The following PRELP variants were observed in gnomAD, a reference collection of about 807,000 sequenced individuals.
PRELP encodes the protein prolargin.
Under a neutral mutation model 22.8 loss-of-function variants are expected in PRELP, and 16 were observed. That is an observed-to-expected ratio of 0.70 (90% confidence interval 0.47 to 1.06). PRELP has a LOEUF of 1.06. Ranked by LOEUF, PRELP falls within the 50% of genes least tolerant of loss-of-function variation. The pLI is 0.00. For missense variants in PRELP, 434 were observed against 485.2 expected (o/e 0.89, Z 0.99); for synonymous variants, 233 against 211.4 (o/e 1.10, Z -0.89).
rs1661173681 is a variant in PRELP, at chr1:203,490,495, G to A, written c.*3614G>A. On this transcript the variant is annotated 3_prime_UTR_variant, in exon 3 of 3. Coordinates refer to ENST00000343110, the MANE Select transcript of PRELP (RefSeq NM_002725.4). ...CTCTGTACTGAGGCAGACACAGAAA[G>A]ACACAAAACGGTCGTCTTTCCTGCC... The A allele has an allele frequency of 6.6e-6, 1 of 152,184 alleles. No individual in the cohort carries two copies. The highest frequency in any genetic ancestry group is 1.5e-5 in the Non-Finnish European group (1 of 68,042). 9.4% of individuals were successfully genotyped at this position (152,184 alleles called of 1,614,324 possible).
In PRELP at chr1:203,487,180, C is replaced by G; in HGVS notation, c.*299C>G. The G allele has an allele frequency of 3.5e-6, 1 of 285,018 alleles. No homozygotes were observed. Among genetic ancestry groups the G allele is most frequent in the Non-Finnish European group, 6.6e-6 (1 of 151,168 alleles). 17.7% of individuals were successfully genotyped at this position (285,018 alleles called of 1,614,324 possible). A position where few individuals can be genotyped will look rare whatever the true frequency, so the allele number is the denominator to read the frequency against. ...GTCTAAAGACTTGGTGTCCCCTTCT[C>G]TCTCCTCCCCCACCCGCCACTCCTG... is the stretch of plus-strand genomic sequence containing the variant. On this transcript the variant is annotated 3_prime_UTR_variant, in exon 3 of 3. Transcript: ENST00000343110.
Position 203,486,735 on chromosome 1 carries a change from G to A in PRELP, c.1003G>A (p.Asp335Asn), listed in dbSNP as rs762071662. The A allele has an allele frequency of 5.0e-6, 8 of 1,613,022 alleles. No homozygotes were observed. The highest frequency in any genetic ancestry group is 2.2e-5 in the South Asian group (2 of 91,034). Reference sequence around the variant, plus strand: ...CAACGGAACCCAGATTTGCCCCAACGACCTAGTGGCGTTCCATGACTTCTC... The same window carrying A: ...CAACGGAACCCAGATTTGCCCCAACAACCTAGTGGCGTTCCATGACTTCTC... ...KINGTQICPNDLVAFHDFSSD... is the reference protein window; with the variant it reads ...KINGTQICPNNLVAFHDFSSD... The change falls in exon 3 of 3, where the codon GAC becomes AAC. Residue 335 changes from aspartate to asparagine, a missense_variant. Transcript: ENST00000343110.
Position 203,486,758 on chromosome 1 carries a change from C to T in PRELP, c.1026C>T (p.Phe342=), listed in dbSNP as rs1301177815. 11 of 1,614,008 alleles carry T rather than the reference C, an allele frequency of 6.8e-6. No homozygotes were observed. Among genetic ancestry groups the T allele is most frequent in the Middle Eastern group, 3.3e-4 (2 of 6,084 alleles). Residue 342 remains phenylalanine (F), a synonymous_variant, in exon 3 of 3, where the codon TTC becomes TTT. Transcript: ENST00000343110. ...CPNDLVAFHD[F]SSDLENVPHL... The stretch of plus-strand genomic sequence containing the variant: ...ACGACCTAGTGGCGTTCCATGACTT[C>T]TCCTCGGACCTGGAGAACGTGCCAC...
Position 203,482,591 on chromosome 1 carries a change from C to CTTTTTTTTTTT in PRELP, c.-16-564_-16-554dup, listed in dbSNP as rs58787817. 4.1e-4 allele frequency among the ~76,000 whole-genome samples: 21 copies of CTTTTTTTTTTT among 51,078 alleles called. 3 individuals are homozygous for CTTTTTTTTTTT. The highest frequency in any genetic ancestry group is 6.7e-4 in the Admixed American group (2 of 2,990). 33.5% of individuals were successfully genotyped at this position (51,078 alleles called of 152,430 possible). ...CACTGTCCCACCAGCCCCAATGTGC[C>CTTTTTTTTTTT]TTTTTTTTTTTTTTTTTTTTTTTTG... On this transcript the variant is annotated intron_variant, in intron 1 of 2. Transcript: ENST00000343110.
rs1661120919 is a variant in PRELP, at chr1:203,487,802, C to A, written c.*921C>A. On this transcript the variant is annotated 3_prime_UTR_variant, in exon 3 of 3. Transcript: ENST00000343110. ...GCCATCTGTTCTCCATCAGTGTGCGCGGCCCAGCCATTTCCACCCTCGGGA... is the reference window on the plus strand; with the variant it reads ...GCCATCTGTTCTCCATCAGTGTGCGAGGCCCAGCCATTTCCACCCTCGGGA... 6.6e-6 allele frequency: 1 copy of A among 152,230 alleles called. No individual in the cohort carries two copies. The highest frequency in any genetic ancestry group is 1.5e-5 in the Non-Finnish European group (1 of 68,058). The allele number at this position is 152,230 out of a possible 1,614,324, so 9.4% of individuals were successfully genotyped here.
chr1:203,486,077 A>G (rs995765759), intron 2 of PRELP, among the ~76,000 whole-genome samples: 7 of 152,170 alleles, frequency 4.6e-5, no homozygotes. Context: ...ACCTTACTCC[A>G]TTGCTTCTCC....
In PRELP at chr1:203,483,003, T is replaced by C. The variant is rs1661030269; in HGVS notation, c.-16-166T>C. ...AATCCAGAGCCTCAAGCCCTTGTTA[T>C]TCCCTTACCTGCTGGGTACAGGCAA... On this transcript the variant is annotated intron_variant, in intron 1 of 2. Transcript: ENST00000343110. This position sits in a 1 kb window ranked among gnomAD's most constrained non-coding sequence, Gnocchi z 4.4. 6.6e-6 allele frequency among the ~76,000 whole-genome samples: 1 copy of C among 152,164 alleles called. No homozygotes were observed. The highest frequency in any genetic ancestry group is 2.1e-4 in the South Asian group (1 of 4,828).
chr1:203,476,787 T>C (rs1660918599), intron 1 of PRELP, among the ~76,000 whole-genome samples: 1 of 152,184 alleles, frequency 6.6e-6, no homozygotes, highest in Non-Finnish European at 1.5e-5. Context: ...AGCGACCCAG[T>C]TCCCAATCCT....
intron 1 of PRELP, among the ~76,000 whole-genome samples, chr1:203,480,914 C>T (rs570593224): frequency 3.3e-5 from 5 of 152,228 alleles, no homozygotes; most frequent in Admixed American, 2.0e-4. Flanking sequence ...TGAGAAGGCG[C>T]GCACAGCCAG....
chr1:203,484,182 G>GGGGC, intron 2 of PRELP, 25 bp downstream of exon 2: 1 of 1,585,422 alleles, frequency 6.3e-7, no homozygotes, highest in Non-Finnish European at 8.6e-7. Context: ...CCGGGGCGGG[G>GGGGC]CCGAAGGCAA....
At position 203,487,743 on chromosome 1, in the gene PRELP, G is replaced by C. The variant is rs1366972014; in HGVS notation, c.*862G>C. 2 of 133,636 alleles carry C rather than the reference G, an allele frequency of 1.5e-5. No individual in the cohort carries two copies. The highest frequency in any genetic ancestry group is 6.0e-5 in the African/African-American group (2 of 33,142). 8.3% of individuals were successfully genotyped at this position (133,636 alleles called of 1,614,324 possible). On this transcript the variant is annotated 3_prime_UTR_variant, in exon 3 of 3. Coordinates refer to ENST00000343110, the MANE Select transcript of PRELP (RefSeq NM_002725.4). The stretch of plus-strand genomic sequence containing the variant: ...GGAGGAGGGTTCACAGTGTTTTTGT[G>C]GGGGCGGGGGAAGGAAGAGGCAGCC...
rs192768181 is a variant in PRELP at position 203,488,956 on chromosome 1, C to A, written c.*2075C>A. 5.2e-5 allele frequency: 8 copies of A among 152,484 alleles called. No homozygotes were observed. The East Asian group carries it at 1.5e-3, about 29-fold the overall frequency. The allele number at this position is 152,484 out of a possible 1,614,324, so 9.4% of individuals were successfully genotyped here. ...TTGGATTAAGCTGGGTCCCTAACTT[C>A]AAGAAATTCCCATTATGCTCCTTCT... is the stretch of plus-strand genomic sequence containing the variant. On this transcript the variant is annotated 3_prime_UTR_variant, in exon 3 of 3. Coordinates refer to ENST00000343110, the MANE Select transcript of PRELP (RefSeq NM_002725.4).
chr1:203,478,962 C>A (rs1010695865), intron 1 of PRELP, among the ~76,000 whole-genome samples: 1 of 152,058 alleles, frequency 6.6e-6, no homozygotes, highest in Non-Finnish European at 1.5e-5. Flanking sequence ...GGAAGAGATA[C>A]AGAGAGCAGG....
Position 203,487,117 on chromosome 1 carries a change from C to T in PRELP, c.*236C>T, listed in dbSNP as rs972724601. ...ACCCAGTGCACACCCAAACTCCTGG[C>T]CTTCTGTGGTTTCCCTTTGCTCCAG... On this transcript the variant is annotated 3_prime_UTR_variant, in exon 3 of 3. Transcript: ENST00000343110. The T allele has an allele frequency of 8.4e-6, 4 of 473,620 alleles. No homozygotes were observed. Among genetic ancestry groups the T allele is most frequent in the African/African-American group, 2.0e-5 (1 of 51,192 alleles). 29.3% of individuals were successfully genotyped at this position (473,620 alleles called of 1,614,324 possible).
At position 203,483,034 on chromosome 1, in the gene PRELP, G is replaced by T. The variant is rs1661030916; in HGVS notation, c.-16-135G>T. On this transcript the variant is annotated intron_variant, in intron 1 of 2. Transcript: ENST00000343110. The surrounding 1 kb of genome is among the most constrained non-coding windows in gnomAD (Gnocchi z 4.4). ...TACCTGCTGGGTACAGGCAAACAAG[G>T]AGATGCTTCCACAGCTCCCTGAGCT... The T allele has an allele frequency of 2.8e-6, 2 of 722,298 alleles. No homozygotes were observed. Among genetic ancestry groups the T allele is most frequent in the Non-Finnish European group, 4.6e-6 (2 of 432,774 alleles). The allele number at this position is 722,298 out of a possible 1,614,324, so 44.7% of individuals were successfully genotyped here. A position where few individuals can be genotyped will look rare whatever the true frequency, so the allele number is the denominator to read the frequency against.
intron 1 of PRELP, among the ~76,000 whole-genome samples, chr1:203,477,577 A>G (rs1308119287): frequency 6.6e-6 from 1 of 152,008 alleles, no homozygotes; most frequent in Admixed American, 6.6e-5. Context: ...CCTGACCCTT[A>G]TAGGTCCCTG....
At chr1:203,485,517 T>C (rs2802800) in intron 2 of PRELP, among the ~76,000 whole-genome samples, 88,491 of 152,008 alleles carry the variant, frequency 0.58, 26,640 homozygotes, top group East Asian at 0.78. Flanking sequence ...TGGTACTGTC[T>C]TTAAACAGCT....
At chr1:203,484,393 G>A (rs1211630252) in intron 2 of PRELP, among the ~76,000 whole-genome samples, 2 of 152,216 alleles carry the variant, frequency 1.3e-5, no homozygotes, top group Non-Finnish European at 2.9e-5. Context: ...CTATCACAAA[G>A]GTGATATGAG....
chr1:203,483,924 T>C lies in PRELP; in HGVS notation c.740T>C (p.Leu247Pro). The C allele has an allele frequency of 6.2e-7, 1 of 1,614,214 alleles. No homozygotes were observed. The change falls in exon 2 of 3, where the codon CTC (leucine) becomes CCC (proline). Residue 247 changes from leucine (L) to proline (P), a missense_variant. Physicochemically the swap from Leu to Pro is moderately conservative, Grantham distance 98. Transcript: ENST00000343110. This position sits in a 1 kb window ranked among gnomAD's most constrained non-coding sequence, Gnocchi z 4.4. ...PPRVPTAIHQ[L>P]YLDSNKIETI... ...AGGGTCCCCACCGCCATTCACCAGC[T>C]CTACCTGGACAGTAACAAGATTGAG...
Sources: gnomAD v4.1 joint callset for allele counts (sites outside exome capture counted in the v4.1 genomes callset) on GRCh38, gnomAD v4.1.1 for gene constraint, Gnocchi (gnomAD v3.1) non-coding constraint, MANE v1.5 for transcripts, NCBI Gene and HGNC (gene_info 2026-07-23, HGNC 2026-07-21) for gene names.